Variants in COL5A2 observed in about 807,000 individuals in gnomAD.
COL5A2 encodes the protein collagen type V alpha 2 chain.
In COL5A2, 23 loss-of-function variants were observed where a neutral mutation model predicts 208.2. The observed-to-expected ratio is 0.11, with a 90% confidence interval of 0.08 to 0.16. COL5A2 has a LOEUF of 0.16. Ranked by LOEUF, COL5A2 falls within the 10% of genes least tolerant of loss-of-function variation. The probability of loss-of-function intolerance (pLI) is 1.00; values close to 1 mark genes in which losing one functional copy is unlikely to be tolerated. For missense variants in COL5A2, 1,590 were observed against 1,956.4 expected (o/e 0.81, Z 3.53); for synonymous variants, 625 against 628.5 (o/e 0.99, Z 0.08).
At chr2:189,284,562 G>GC in the COL5A2 span, among the ~76,000 whole-genome samples, 1 of 152,030 alleles carries the variant, frequency 6.6e-6, no homozygotes, top group Admixed American at 6.6e-5. Flanking sequence ...GGGGAAGTCC[G>GC]CCCCCATGAT....
intron 3 of COL5A2, 72 bp downstream of exon 3, chr2:189,104,192 G>C: frequency 9.1e-7 from 1 of 1,097,648 alleles, no homozygotes; most frequent in South Asian, 1.2e-5. Flanking sequence ...ACGTTTCAGA[G>C]CACAGTTCTG....
chr2:189,192,546 A>G (rs1688944400), intron 1 of COL5A2, among the ~76,000 whole-genome samples: 1 of 152,214 alleles, frequency 6.6e-6, no homozygotes, highest in African/African-American at 2.4e-5. Context: ...AGTTTTCTAA[A>G]TTCTATAAAT....
chr2:189,069,703 A>G (rs999578985), intron 18 of COL5A2, among the ~76,000 whole-genome samples: 18 of 152,206 alleles, frequency 1.2e-4, no homozygotes, highest in African/African-American at 4.3e-4. Context: ...CACTGTAAAA[A>G]GTCTATATAA....
the COL5A2 span, among the ~76,000 whole-genome samples, chr2:189,430,106 G>T: frequency 6.6e-6 from 1 of 152,134 alleles, no homozygotes; most frequent in African/African-American, 2.4e-5. Flanking sequence ...GTGGAGTTAG[G>T]CCAACTCCTC....
the COL5A2 span, among the ~76,000 whole-genome samples, chr2:189,427,580 G>C: frequency 2.6e-5 from 4 of 152,156 alleles, no homozygotes; most frequent in African/African-American, 9.7e-5. Context: ...TCATGCATCT[G>C]GAAAAGCCAC....
At chr2:189,311,244 C>T in the COL5A2 span, 4 of 1,453,116 alleles carry the variant, frequency 2.8e-6, no homozygotes, top group Non-Finnish European at 3.8e-6. Flanking sequence ...CCAAAGGGTA[C>T]CCTGCTTCTG....
chr2:189,133,300 T>C lies in COL5A2; in HGVS notation c.98-22851A>G, dbSNP rs552727297. 2.2e-4 allele frequency among the ~76,000 whole-genome samples: 23 copies of C among 103,410 alleles called. No homozygotes were observed. In the East Asian group the frequency reaches 5.9e-3, roughly 26 times the overall value. The allele number at this position is 103,410 out of a possible 152,430, so 67.8% of individuals were successfully genotyped here. Reference sequence around the variant, plus strand: ...ACGCCTGGCTAATTTTTTGTATTTTTAGTAGAGACGGGGTTTCACCATGTT... The same window carrying C: ...ACGCCTGGCTAATTTTTTGTATTTTCAGTAGAGACGGGGTTTCACCATGTT... On this transcript the variant is annotated intron_variant, in intron 1 of 53. Coordinates refer to ENST00000374866, the MANE Select transcript of COL5A2 (RefSeq NM_000393.5).
chr2:189,251,730 G>C, the COL5A2 span, among the ~76,000 whole-genome samples: 137,792 of 151,720 alleles, frequency 0.91, 63,120 homozygotes, highest in East Asian at 1. Flanking sequence ...AACACCAAAA[G>C]CAAAGTCAAC....
chr2:189,283,852 C>T, the COL5A2 span, among the ~76,000 whole-genome samples: 1 of 151,940 alleles, frequency 6.6e-6, no homozygotes, highest in Non-Finnish European at 1.5e-5. Flanking sequence ...AAATATGAGC[C>T]TAAAATTCAC....
intron 1 of COL5A2, among the ~76,000 whole-genome samples, chr2:189,151,652 C>T (rs1290305782): frequency 6.6e-6 from 1 of 152,056 alleles, no homozygotes; most frequent in African/African-American, 2.4e-5. Flanking sequence ...GCCATAAAAA[C>T]ACATATTCAT....
the COL5A2 span, among the ~76,000 whole-genome samples, chr2:189,327,244 T>A: frequency 6.6e-6 from 1 of 152,170 alleles, no homozygotes; most frequent in African/African-American, 2.4e-5. Context: ...ACTTAAAACA[T>A]AGGCTTTCTC....
intron 1 of COL5A2, among the ~76,000 whole-genome samples, chr2:189,197,483 A>G (rs868478495): frequency 1.3e-5 from 2 of 152,120 alleles, no homozygotes; most frequent in East Asian, 3.9e-4. Context: ...AAAATTATCA[A>G]TAAGGGAAGG....
intron 3 of COL5A2, 115 bp from the exon 4 acceptor site, chr2:189,100,254 A>G: frequency 1.3e-6 from 1 of 797,430 alleles, no homozygotes. Context: ...TATGTAAGAA[A>G]TGCAAAAAAC....
the COL5A2 span, among the ~76,000 whole-genome samples, chr2:189,415,530 A>G: frequency 2.6e-5 from 4 of 151,974 alleles, no homozygotes; most frequent in Admixed American, 1.3e-4. Context: ...ACATTTTTCT[A>G]CTTGGTCAGT....
the COL5A2 span, among the ~76,000 whole-genome samples, chr2:189,317,152 T>C: frequency 1.3e-4 from 20 of 152,226 alleles, no homozygotes; most frequent in South Asian, 3.9e-3. Flanking sequence ...CATAAGATAA[T>C]GTTGTTTTCT....
chr2:189,328,774 G>A, the COL5A2 span, among the ~76,000 whole-genome samples: 1 of 152,174 alleles, frequency 6.6e-6, no homozygotes. Flanking sequence ...AAATACAAAA[G>A]CCTGGTGAAC....
At chr2:189,277,143 T>C in the COL5A2 span, among the ~76,000 whole-genome samples, 1 of 152,102 alleles carries the variant, frequency 6.6e-6, no homozygotes, top group South Asian at 2.1e-4. Context: ...CTAGGCAATA[T>C]ATAAAATACA....
Position 189,128,919 on chromosome 2 carries a change from A to G in COL5A2, c.98-18470T>C, listed in dbSNP as rs146263199. Reference sequence around the variant, plus strand: ...CTATCATAAACCTGAAATCTCTCTCAATAATCATCTGTTGTAAGGCAAAAA... The same window carrying G: ...CTATCATAAACCTGAAATCTCTCTCGATAATCATCTGTTGTAAGGCAAAAA... On this transcript the variant is annotated intron_variant, in intron 1 of 53. Coordinates refer to ENST00000374866, the MANE Select transcript of COL5A2 (RefSeq NM_000393.5). Among the ~76,000 whole-genome samples the G allele has an allele frequency of 1.1e-3, 168 of 152,098 alleles. 1 individual carries two copies. Among genetic ancestry groups the G allele is most frequent in the African/African-American group, 3.7e-3 (153 of 41,560 alleles).
At chr2:189,280,576 G>A in the COL5A2 span, among the ~76,000 whole-genome samples, 130,094 of 152,120 alleles carry the variant, frequency 0.86, 56,748 homozygotes, top group Non-Finnish European at 0.95. Flanking sequence ...CTAGAGTATG[G>A]CTTGTTTCAG....
Sources: gnomAD v4.1 joint callset for allele counts (sites outside exome capture counted in the v4.1 genomes callset) on GRCh38, gnomAD v4.1.1 for gene constraint, MANE v1.5 for transcripts, NCBI Gene and HGNC (gene_info 2026-07-23, HGNC 2026-07-21) for gene names.